Variants in HSD17B12 observed in about 807,000 individuals in gnomAD.
HSD17B12 encodes hydroxysteroid 17-beta dehydrogenase 12.
Under a neutral mutation model 39.3 loss-of-function variants are expected in HSD17B12, and 32 were observed. The ratio of observed to expected loss-of-function variants is 0.81; its 90% CI spans 0.61 to 1.09. The LOEUF is 1.09. Ranked by LOEUF, HSD17B12 falls within the 50% of genes least tolerant of loss-of-function variation. HSD17B12 has a pLI of 0.00. For synonymous variants in HSD17B12, 150 were observed against 146.7 expected (o/e 1.02, Z -0.16); for missense variants, 342 against 382.9 (o/e 0.89, Z 0.89).
the HSD17B12 span, among the ~76,000 whole-genome samples, chr11:43,635,880 C>T: frequency 1.1e-3 from 173 of 152,266 alleles, 2 homozygotes; most frequent in Non-Finnish European, 1.8e-4. Context: ...GTTGGGATAG[C>T]ATTTGTTTAT....
the HSD17B12 span, among the ~76,000 whole-genome samples, chr11:43,628,626 C>A: frequency 6.6e-6 from 1 of 151,962 alleles, no homozygotes; most frequent in African/African-American, 2.4e-5. Flanking sequence ...CATTCATATA[C>A]TTCTGGTTTT....
At chr11:43,781,837 G>C (rs1392410962) in intron 3 of HSD17B12, among the ~76,000 whole-genome samples, 1 of 152,118 alleles carries the variant, frequency 6.6e-6, no homozygotes, top group Non-Finnish European at 1.5e-5. Flanking sequence ...TTTATAAGCT[G>C]TATATGTACT....
intron 4 of HSD17B12, among the ~76,000 whole-genome samples, chr11:43,805,182 A>G (rs770663506): frequency 4.6e-5 from 7 of 152,212 alleles, no homozygotes; most frequent in Non-Finnish European, 8.8e-5. Context: ...GAAATACATA[A>G]TGCTACAGAT....
At chr11:43,698,606 T>C (rs1056817583) in intron 1 of HSD17B12, among the ~76,000 whole-genome samples, 5 of 152,212 alleles carry the variant, frequency 3.3e-5, no homozygotes, top group African/African-American at 9.7e-5. Flanking sequence ...CCTTTGGCAC[T>C]TATTAGTGTG....
chr11:43,669,460 C>CA, the HSD17B12 span, among the ~76,000 whole-genome samples: 1 of 150,924 alleles, frequency 6.6e-6, no homozygotes, highest in Non-Finnish European at 1.5e-5. Flanking sequence ...AAGATGGTGC[C>CA]ACTGCATTCC....
At chr11:43,704,383 C>T (rs750652950) in intron 1 of HSD17B12, among the ~76,000 whole-genome samples, 2 of 152,134 alleles carry the variant, frequency 1.3e-5, no homozygotes, top group South Asian at 2.1e-4. Flanking sequence ...AAATACTGAA[C>T]GAACCTTGTA....
intron 2 of HSD17B12, 53 bp from the exon 3 acceptor site, chr11:43,753,993 A>G: frequency 4.2e-6 from 5 of 1,191,360 alleles, no homozygotes; most frequent in Non-Finnish European, 6.2e-6. Context: ...TAGCTCATTA[A>G]TGTTTTTCAG....
rs115097098 is a variant in HSD17B12 at position 43,771,420 on chromosome 11, A to G, written c.283+17299A>G. ...TGGAGCACATATATACATTATATACATTCATTTCTGTTGGATATATATGTA... is the reference window on the plus strand; with the variant it reads ...TGGAGCACATATATACATTATATACGTTCATTTCTGTTGGATATATATGTA... On this transcript the variant is annotated intron_variant, in intron 3 of 10. Coordinates refer to ENST00000278353, the MANE Select transcript of HSD17B12 (RefSeq NM_016142.3). 5.9e-3 allele frequency among the ~76,000 whole-genome samples: 863 copies of G among 147,076 alleles called. 14 individuals are homozygous for G. The highest frequency in any genetic ancestry group is 0.02 in the African/African-American group (803 of 39,770).
At chr11:43,819,958 C>A (rs1951165227) in intron 6 of HSD17B12, among the ~76,000 whole-genome samples, 2 of 152,162 alleles carry the variant, frequency 1.3e-5, no homozygotes, top group Admixed American at 1.3e-4. Flanking sequence ...AAACTCTCAA[C>A]ATGTGGAATC....
intron 3 of HSD17B12, among the ~76,000 whole-genome samples, chr11:43,774,344 G>A (rs1950678333): frequency 6.6e-6 from 1 of 152,036 alleles, no homozygotes; most frequent in Non-Finnish European, 1.5e-5. Context: ...CTCCCAAGTA[G>A]CTGGGATTAC....
At chr11:43,842,328 G>A (rs1470123650) in intron 9 of HSD17B12, among the ~76,000 whole-genome samples, 2 of 152,158 alleles carry the variant, frequency 1.3e-5, no homozygotes, top group African/African-American at 4.8e-5. Flanking sequence ...AGGAAGGGGG[G>A]ATGACTGTTT....
the HSD17B12 span, among the ~76,000 whole-genome samples, chr11:43,641,219 T>A: frequency 2.8e-5 from 1 of 35,744 alleles, no homozygotes; most frequent in African/African-American, 5.0e-5. Context: ...TTAAAAAAGA[T>A]TAATTTGTTG....
chr11:43,705,761 CTTTTTTT>C (rs56979348), intron 1 of HSD17B12, among the ~76,000 whole-genome samples: 1 of 62,476 alleles, frequency 1.6e-5, no homozygotes. Flanking sequence ...CCTCTCTCCT[CTTTTTTT>C]TTTTTTTTTT....
intron 9 of HSD17B12, among the ~76,000 whole-genome samples, chr11:43,850,440 C>T (rs1200943659): frequency 6.6e-6 from 1 of 152,136 alleles, no homozygotes; most frequent in African/African-American, 2.4e-5. Flanking sequence ...AGATGTGACA[C>T]CATGTATGAA....
chr11:43,823,297 G>A (rs1430664841), intron 6 of HSD17B12, among the ~76,000 whole-genome samples: 1 of 151,784 alleles, frequency 6.6e-6, no homozygotes, highest in East Asian at 1.9e-4. Context: ...TTGAGACAGG[G>A]TATCACTCTG....
chr11:43,828,440 C>T (rs1469390898), intron 6 of HSD17B12, among the ~76,000 whole-genome samples: 1 of 152,088 alleles, frequency 6.6e-6, no homozygotes, highest in East Asian at 1.9e-4. Context: ...CGCGCCCGGC[C>T]ACTTTTGTCT....
intron 10 of HSD17B12, 49 bp from the exon 11 acceptor site, chr11:43,855,095 C>A: frequency 1.5e-6 from 2 of 1,320,044 alleles, no homozygotes; most frequent in Non-Finnish European, 2.1e-6. Context: ...TTCAATTTAG[C>A]CCAAATTGTA....
chr11:43,665,174 G>T, the HSD17B12 span, among the ~76,000 whole-genome samples: 13 of 152,196 alleles, frequency 8.5e-5, no homozygotes, highest in African/African-American at 3.1e-4. Flanking sequence ...AGAAAACAAA[G>T]CCCTAGAATT....
the HSD17B12 span, among the ~76,000 whole-genome samples, chr11:43,606,130 G>T: frequency 1.3e-5 from 2 of 152,228 alleles, no homozygotes; most frequent in Non-Finnish European, 2.9e-5. Flanking sequence ...TGGTCTATTT[G>T]TAACTATCTC....
Sources: allele counts gnomAD v4.1 joint callset (sites outside exome capture counted in the v4.1 genomes callset), GRCh38; gene constraint gnomAD v4.1.1; transcripts MANE v1.5; gene names NCBI Gene and HGNC (gene_info 2026-07-23, HGNC 2026-07-21).